Variants in PRKCA observed in about 807,000 individuals in gnomAD.
PRKCA encodes protein kinase C alpha.
Under a neutral mutation model 87.0 loss-of-function variants are expected in PRKCA, and 27 were observed. The observed-to-expected ratio is 0.31, with a 90% CI of 0.23 to 0.43. The LOEUF is 0.43. PRKCA is among the 20% of genes least tolerant of loss of function. The pLI is 1.00. For synonymous variants in PRKCA, 329 were observed against 311.1 expected (o/e 1.06, Z -0.61); for missense variants, 518 against 852.3 (o/e 0.61, Z 4.88).
chr17:66,628,496 T>TC (rs1465946892), intron 3 of PRKCA, among the ~76,000 whole-genome samples: 1 of 152,144 alleles, frequency 6.6e-6, no homozygotes, highest in Non-Finnish European at 1.5e-5. Flanking sequence ...CCTCTCTCTC[T>TC]TTTTTTCTCT....
At chr17:66,323,702 G>T in intron 2 of PRKCA, among the ~76,000 whole-genome samples, 1 of 152,200 alleles carries the variant, frequency 6.6e-6, no homozygotes, top group South Asian at 2.1e-4. Context: ...CACTTTGGGA[G>T]TCCGAGGCGG....
rs576731430 is a variant in PRKCA, at chr17:66,356,307, A to C, written c.205+50180A>C. On this transcript the variant is annotated intron_variant, in intron 2 of 16. Transcript: ENST00000413366. ...ATTTTCTTGATTTTCTTTATCATCC[A>C]CTTTTTTAAAAGACACCAACATTAT... 4.0e-5 allele frequency among the ~76,000 whole-genome samples: 6 copies of C among 151,540 alleles called. No homozygotes were observed. In the East Asian group the frequency reaches 1.2e-3, roughly 29 times the overall value.
At chr17:66,787,457 GT>G (rs1278416269) in intron 15 of PRKCA, among the ~76,000 whole-genome samples, 1 of 152,184 alleles carries the variant, frequency 6.6e-6, no homozygotes, top group Non-Finnish European at 1.5e-5. Context: ...TAAAATTGTG[GT>G]GGGGACTACC....
intron 2 of PRKCA, among the ~76,000 whole-genome samples, chr17:66,391,073 A>T (rs1451724678): frequency 6.6e-6 from 1 of 152,172 alleles, no homozygotes; most frequent in African/African-American, 2.4e-5. Flanking sequence ...TGGGCAGGGA[A>T]TCAAAAGTCA....
intron 14 of PRKCA, chr17:66,774,747 T>A: frequency 1.0e-6 from 1 of 985,662 alleles, no homozygotes; most frequent in East Asian, 1.1e-4. Flanking sequence ...GCTGCCAATG[T>A]GTGTAATTAG....
rs573184545 is a variant in PRKCA, at chr17:66,644,465, A to T, written c.401-918A>T. Among the ~76,000 whole-genome samples the T allele has an allele frequency of 2.6e-5, 4 of 152,160 alleles. No individual in the cohort carries two copies. In the South Asian group the frequency reaches 8.3e-4, roughly 32 times the overall value. The stretch of plus-strand genomic sequence containing the variant: ...TGATCGAGCTGGAACACCCACACAC[A>T]GTCTTCTGTTTGTTTCCGGCACACA... On this transcript the variant is annotated intron_variant, in intron 4 of 16. Coordinates refer to ENST00000413366, the MANE Select transcript of PRKCA (RefSeq NM_002737.3).
At position 66,572,394 on chromosome 17, in the gene PRKCA, G is replaced by A. The variant is rs189651406; in HGVS notation, c.289-68961G>A. Reference sequence around the variant, plus strand: ...AGGCAGGAGAATAGCTTGAACCCGGGAGCAAGAGGTTACAGTGAACCAAGA... The same window carrying A: ...AGGCAGGAGAATAGCTTGAACCCGGAAGCAAGAGGTTACAGTGAACCAAGA... On this transcript the variant is annotated intron_variant, in intron 3 of 16. Coordinates refer to ENST00000413366, the MANE Select transcript of PRKCA (RefSeq NM_002737.3). 6.4e-3 allele frequency among the ~76,000 whole-genome samples: 972 copies of A among 152,120 alleles called. 33 individuals are homozygous for A. Among genetic ancestry groups the A allele is most frequent in the Admixed American group, 0.055 (845 of 15,262 alleles).
intron 2 of PRKCA, among the ~76,000 whole-genome samples, chr17:66,465,487 G>C (rs1457286484): frequency 1.3e-5 from 2 of 152,068 alleles, no homozygotes; most frequent in Non-Finnish European, 2.9e-5. Context: ...AAACTCCTGG[G>C]CTCAAGAGAT....
chr17:66,324,447 C>CAAAA (rs61047065), intron 2 of PRKCA, among the ~76,000 whole-genome samples: 7 of 90,656 alleles, frequency 7.7e-5, no homozygotes, highest in African/African-American at 2.6e-4. Flanking sequence ...ACTAAAAATA[C>CAAAA]AAAAAAAAAA....
At chr17:66,739,912 G>A (rs1974120955) in intron 11 of PRKCA, among the ~76,000 whole-genome samples, 1 of 152,126 alleles carries the variant, frequency 6.6e-6, no homozygotes, top group African/African-American at 2.4e-5. Context: ...GAAGAAGGAA[G>A]CATGAAAGGA....
chr17:66,347,642 A>T (rs1907470149), intron 2 of PRKCA, among the ~76,000 whole-genome samples: 1 of 152,196 alleles, frequency 6.6e-6, no homozygotes, highest in African/African-American at 2.4e-5. Context: ...ACATCAAAAA[A>T]GTCACAATTA....
At chr17:66,314,286 A>G (rs1905199311) in intron 2 of PRKCA, among the ~76,000 whole-genome samples, 1 of 152,162 alleles carries the variant, frequency 6.6e-6, no homozygotes, top group Non-Finnish European at 1.5e-5. Context: ...CAGACCCTTT[A>G]TTTCAGGTCT....
intron 2 of PRKCA, among the ~76,000 whole-genome samples, chr17:66,457,745 T>C (rs564621028): frequency 6.6e-6 from 1 of 152,274 alleles, no homozygotes; most frequent in African/African-American, 2.4e-5. Context: ...ACATGTTTGC[T>C]TCTCCTTCCA....
intron 3 of PRKCA, among the ~76,000 whole-genome samples, chr17:66,632,189 T>C (rs1350688896): frequency 6.6e-6 from 1 of 152,174 alleles, no homozygotes. Flanking sequence ...TTCGTGGTAA[T>C]TTGGGTTACA....
chr17:66,539,398 C>G (rs576909234), intron 3 of PRKCA, among the ~76,000 whole-genome samples: 3 of 151,666 alleles, frequency 2.0e-5, no homozygotes, highest in Non-Finnish European at 2.9e-5. Flanking sequence ...TTAATTTAAG[C>G]TTTGAAATCT....
intron 2 of PRKCA, among the ~76,000 whole-genome samples, chr17:66,409,614 T>C (rs1009674384): frequency 1.3e-5 from 2 of 152,164 alleles, no homozygotes; most frequent in African/African-American, 4.8e-5. Flanking sequence ...AAGTCTTCAA[T>C]ATTCTGAGAG....
intron 5 of PRKCA, among the ~76,000 whole-genome samples, chr17:66,655,601 G>A (rs1971715735): frequency 1.3e-5 from 2 of 152,112 alleles, no homozygotes; most frequent in Admixed American, 1.3e-4. Flanking sequence ...TTTACATGTT[G>A]ATCTCCTTCC....
rs1163127673 is a variant in PRKCA, at chr17:66,689,257, G to A, written c.918+210G>A. 5.9e-5 allele frequency among the ~76,000 whole-genome samples: 9 copies of A among 152,162 alleles called. No individual in the cohort carries two copies. Among genetic ancestry groups the A allele is most frequent in the Admixed American group, 5.9e-4 (9 of 15,276 alleles). On this transcript the variant is annotated intron_variant, in intron 8 of 16. Coordinates refer to ENST00000413366, the MANE Select transcript of PRKCA (RefSeq NM_002737.3). The surrounding 1 kb of genome is among the most constrained non-coding windows in gnomAD (Gnocchi z 4.1). ...TATGACTCTTACCACTTAGAAAATG[G>A]AAACTGGAAATATCGCAGAACTGAG...
At chr17:66,708,101 C>T (rs960668255) in intron 8 of PRKCA, among the ~76,000 whole-genome samples, 5 of 152,138 alleles carry the variant, frequency 3.3e-5, no homozygotes, top group African/African-American at 7.2e-5. Flanking sequence ...TTAGGACTGT[C>T]GCCATGATGT....
Sources: allele counts gnomAD v4.1 joint callset (sites outside exome capture counted in the v4.1 genomes callset), GRCh38; gene constraint gnomAD v4.1.1; non-coding constraint Gnocchi (gnomAD v3.1); transcripts MANE v1.5; gene names NCBI Gene and HGNC (gene_info 2026-07-23, HGNC 2026-07-21).